Variants in RASSF6 observed in about 807,000 individuals in gnomAD.
The protein encoded by RASSF6 is ras association domain-containing protein 6.
RASSF6 carries 52 observed loss-of-function variants against 44.0 expected under a neutral mutation model. That is an observed-to-expected ratio of 1.18 (90% CI 0.95 to 1.49). The LOEUF is 1.49. Ranked by LOEUF, RASSF6 falls within the 40% of genes most tolerant of loss-of-function variation. The pLI, the probability that RASSF6 is intolerant of heterozygous loss-of-function variation, is 0.00. For missense variants in RASSF6, 464 were observed against 393.3 expected (o/e 1.18, Z -1.52); for synonymous variants, 162 against 124.6 (o/e 1.30, Z -2.00).
rs746229531 is a variant in RASSF6, at chr4:73,585,217, T to C, written c.530A>G (p.Asn177Ser). ...LMMDRKERQK[N>S]RASINGHFYN... ...GAAGTGTCCATTAATAGAGGCTCTA[T>C]TTTTCTGTCTTTCTTTTCTGTCCAT... is the stretch of plus-strand genomic sequence containing the variant. Residue 177 changes from asparagine (N) to serine (S), a missense_variant, in exon 6 of 11, where the codon AAT becomes AGT. By Grantham distance (46) the Asn-to-Ser change is conservative (BLOSUM62 1). Coordinates refer to ENST00000307439, the MANE Select transcript of RASSF6 (RefSeq NM_177532.5). 3.1e-6 allele frequency: 5 copies of C among 1,610,806 alleles called. No individual in the cohort carries two copies. Among genetic ancestry groups the C allele is most frequent in the Admixed American group, 1.7e-5 (1 of 59,532 alleles).
At chr4:73,588,142 T>C (rs1050665245) in intron 4 of RASSF6, among the ~76,000 whole-genome samples, 4 of 152,098 alleles carry the variant, frequency 2.6e-5, no homozygotes, top group Non-Finnish European at 5.9e-5. Flanking sequence ...TGTACTTTTA[T>C]AGAGCATATC....
chr4:73,576,992 TA>T (rs1441943502), intron 8 of RASSF6, among the ~76,000 whole-genome samples: 1 of 152,220 alleles, frequency 6.6e-6, no homozygotes, highest in Admixed American at 6.5e-5. Context: ...TCCGGTCTGA[TA>T]GGCCTTTTAT....
chr4:73,611,277 G>A (rs575827978), intron 2 of RASSF6, among the ~76,000 whole-genome samples: 35 of 152,178 alleles, frequency 2.3e-4, no homozygotes, highest in East Asian at 1.4e-3. Flanking sequence ...TGTTTGCTGC[G>A]TACAAGAAAA....
At chr4:73,619,844 G>A (rs1289698476) in intron 1 of RASSF6, among the ~76,000 whole-genome samples, 2 of 151,882 alleles carry the variant, frequency 1.3e-5, no homozygotes, top group African/African-American at 4.8e-5. Flanking sequence ...ACAAATAAAA[G>A]TTGAGCTGAA....
Position 73,576,181 on chromosome 4 carries a change from A to G in RASSF6, c.*54T>C, listed in dbSNP as rs952157435. The G allele has an allele frequency of 3.1e-6, 3 of 963,178 alleles. No individual in the cohort carries two copies. The highest frequency in any genetic ancestry group is 2.3e-5 in the Admixed American group (1 of 44,110). 59.7% of individuals were successfully genotyped at this position (963,178 alleles called of 1,614,324 possible). A position where few individuals can be genotyped will look rare whatever the true frequency, so the allele number is the denominator to read the frequency against. The stretch of plus-strand genomic sequence containing the variant: ...AAGTACAGAACTTATGCATTCATCA[A>G]AGAGTAATATCTCTGAGTTTTTTGA... On this transcript the variant is annotated 3_prime_UTR_variant, in exon 11 of 11. Transcript: ENST00000307439.
At chr4:73,585,897 T>C (rs1309138106) in intron 5 of RASSF6, among the ~76,000 whole-genome samples, 4 of 151,400 alleles carry the variant, frequency 2.6e-5, no homozygotes, top group African/African-American at 7.3e-5. Flanking sequence ...GTTAGTTACA[T>C]ATGTATACAT....
chr4:73,598,013 A>G (rs1389916319), intron 3 of RASSF6, among the ~76,000 whole-genome samples: 2 of 152,200 alleles, frequency 1.3e-5, no homozygotes, highest in Non-Finnish European at 2.9e-5. Context: ...ATAACTAATG[A>G]GTACTAGGCT....
intron 8 of RASSF6, among the ~76,000 whole-genome samples, chr4:73,577,113 T>C (rs1247664): frequency 0.99 from 150,859 of 152,270 alleles, 74,749 homozygotes; most frequent in Middle Eastern, 1. Flanking sequence ...TCCATCTTTC[T>C]GGTTCTTCAG....
At chr4:73,583,836 A>G (rs959360379) in intron 6 of RASSF6, among the ~76,000 whole-genome samples, 1 of 152,120 alleles carries the variant, frequency 6.6e-6, no homozygotes, top group African/African-American at 2.4e-5. Flanking sequence ...TTGTAAAGTA[A>G]GAAGAATGAA....
chr4:73,602,192 T>C (rs1725320180), intron 2 of RASSF6, among the ~76,000 whole-genome samples: 1 of 152,224 alleles, frequency 6.6e-6, no homozygotes. Flanking sequence ...TTAAGAAACT[T>C]GGAATTCACT....
chr4:73,597,636 A>G (rs1461625811), intron 3 of RASSF6, among the ~76,000 whole-genome samples: 2 of 152,244 alleles, frequency 1.3e-5, no homozygotes, highest in African/African-American at 4.8e-5. Flanking sequence ...TACCCAATGG[A>G]GAATAAATCA....
intron 8 of RASSF6, among the ~76,000 whole-genome samples, chr4:73,580,965 T>C (rs1246704711): frequency 6.6e-6 from 1 of 151,354 alleles, no homozygotes; most frequent in African/African-American, 2.4e-5. Flanking sequence ...ATGTCCTGAA[T>C]GGTAATGCCT....
chr4:73,578,809 A>T (rs1223273466), intron 8 of RASSF6, among the ~76,000 whole-genome samples: 2 of 151,822 alleles, frequency 1.3e-5, no homozygotes, highest in African/African-American at 4.8e-5. Context: ...ACGGGGTTTC[A>T]CCATAGTGGT....
intron 2 of RASSF6, among the ~76,000 whole-genome samples, chr4:73,609,956 G>T (rs1725893977): frequency 6.6e-6 from 1 of 152,130 alleles, no homozygotes; most frequent in Non-Finnish European, 1.5e-5. Context: ...TAGTTCTGGG[G>T]TGAAGCCAAG....
rs148066158 is a variant in RASSF6 at position 73,578,029 on chromosome 4, T to TTTTCTTTATTTCTGGTCCCTAAAG, written c.722-1299_722-1298insCTTTAGGGACCAGAAATAAAGAAA. On this transcript the variant is annotated intron_variant, in intron 8 of 10. Transcript: ENST00000307439. ...CAAACAGGAGCCATATGCTCTCTTC[T>TTTTCTTTATTTCTGGTCCCTAAAG]GACCTAGTTATTATTATCTGCAGTT... Among the ~76,000 whole-genome samples the TTTTCTTTATTTCTGGTCCCTAAAG allele has an allele frequency of 2.7e-3, 412 of 152,020 alleles. 2 individuals carry two copies. The highest frequency in any genetic ancestry group is 9.7e-3 in the African/African-American group (403 of 41,466).
chr4:73,607,732 AGAACCCTCC>A (rs1725735636), intron 2 of RASSF6, among the ~76,000 whole-genome samples: 1 of 1,112 alleles, frequency 9.0e-4, no homozygotes, highest in African/African-American at 1.0e-3. Flanking sequence ...TTTCTTTTAA[AGAACCCTCC>A]AGGTGGTTCT....
At chr4:73,591,878 A>T (rs540306599) in intron 4 of RASSF6, among the ~76,000 whole-genome samples, 1 of 152,302 alleles carries the variant, frequency 6.6e-6, no homozygotes, top group East Asian at 1.9e-4. Flanking sequence ...AATAAAACAA[A>T]GATGAATAAA....
chr4:73,594,098 A>AT (rs958684443), intron 3 of RASSF6, among the ~76,000 whole-genome samples: 9 of 152,348 alleles, frequency 5.9e-5, no homozygotes, highest in African/African-American at 9.6e-5. Context: ...ACATAGATAT[A>AT]TTTTTTGTAA....
intron 1 of RASSF6, among the ~76,000 whole-genome samples, chr4:73,616,182 TA>T (rs981998259): frequency 6.6e-6 from 1 of 152,168 alleles, no homozygotes; most frequent in African/African-American, 2.4e-5. Flanking sequence ...GTCATAATGC[TA>T]ATGATTTTAC....
Sources: gnomAD v4.1 joint callset for allele counts (sites outside exome capture counted in the v4.1 genomes callset) on GRCh38, gnomAD v4.1.1 for gene constraint, MANE v1.5 for transcripts, NCBI Gene and HGNC (gene_info 2026-07-23, HGNC 2026-07-21) for gene names.